SVIL: variants seen among roughly 807,000 people sequenced by gnomAD.
The protein encoded by SVIL is supervillin, also known as archvillin.
In SVIL, 101 loss-of-function variants were observed where a neutral mutation model predicts 240.4. The ratio of observed to expected loss-of-function variants is 0.42; its 90% CI spans 0.36 to 0.50. SVIL has a LOEUF of 0.50. Among genes scored for constraint, SVIL ranks in the 20% least tolerant of loss-of-function variants. The pLI, the probability that SVIL is intolerant of heterozygous loss-of-function variation, is 0.01. For synonymous variants in SVIL, 999 were observed against 1,100.0 expected (o/e 0.91, Z 1.82); for missense variants, 2,512 against 2,818.7 (o/e 0.89, Z 2.46).
At chr10:29,728,514 T>C (rs1964420498) in intron 1 of SVIL, among the ~76,000 whole-genome samples, 1 of 151,616 alleles carries the variant, frequency 6.6e-6, no homozygotes, top group Admixed American at 6.6e-5. Context: ...CCAAATGAGA[T>C]TGACTCAGAA....
Position 29,649,377 on chromosome 10 carries a change from T to G in SVIL, c.-201+8592A>C, listed in dbSNP as rs141894208. Among the ~76,000 whole-genome samples the G allele has an allele frequency of 9.8e-5, 15 of 152,310 alleles. No individual in the cohort carries two copies. In the East Asian group the frequency reaches 2.7e-3, roughly 27 times the overall value. On this transcript the variant is annotated intron_variant, in intron 3 of 35. Transcript: ENST00000375400. Reference sequence around the variant, plus strand: ...TTCTTTCTTCTGAACCCCCACGGCATGCCTCTTTCATATACAATAAAACAC... The same window carrying G: ...TTCTTTCTTCTGAACCCCCACGGCAGGCCTCTTTCATATACAATAAAACAC...
intron 1 of SVIL, chr10:29,575,206 G>C (rs1441379930): frequency 2.6e-5 from 4 of 153,588 alleles, no homozygotes; most frequent in Non-Finnish European, 5.9e-5. Context: ...TGGCACTGAA[G>C]ATGTGGTGTC....
chr10:29,718,199 C>T (rs957821597), intron 1 of SVIL, among the ~76,000 whole-genome samples: 8 of 151,730 alleles, frequency 5.3e-5, no homozygotes, highest in Admixed American at 2.0e-4. Context: ...GGTGGCACAT[C>T]GCTGTAGATC....
chr10:29,479,631 T>C (rs1006224410), intron 29 of SVIL, among the ~76,000 whole-genome samples: 2 of 152,184 alleles, frequency 1.3e-5, no homozygotes, highest in Non-Finnish European at 2.9e-5. Flanking sequence ...GAGTAGGTGC[T>C]CAGGAAATGT....
intron 3 of SVIL, among the ~76,000 whole-genome samples, chr10:29,656,468 A>T (rs183213501): frequency 0.028 from 4,270 of 150,916 alleles, 65 homozygotes; most frequent in Non-Finnish European, 0.03. Flanking sequence ...TTTTTTTTTT[A>T]AAAAAAAGAA....
At chr10:29,698,424 C>T (rs1174479590) in intron 1 of SVIL, among the ~76,000 whole-genome samples, 1 of 136,204 alleles carries the variant, frequency 7.3e-6, no homozygotes, top group Non-Finnish European at 1.6e-5. Context: ...CCACGATGTG[C>T]TCTGTATCCA....
chr10:29,520,552 T>C (rs1950494434), intron 16 of SVIL, among the ~76,000 whole-genome samples: 1 of 152,182 alleles, frequency 6.6e-6, no homozygotes, highest in African/African-American at 2.4e-5. Flanking sequence ...GTGATTAATT[T>C]GTCAGTTGAA....
At chr10:29,475,715 A>G (rs10826630) in intron 29 of SVIL, among the ~76,000 whole-genome samples, 42,338 of 151,988 alleles carry the variant, frequency 0.28, 6,347 homozygotes, top group East Asian at 0.54. Context: ...CCAAAGGCCC[A>G]GGTGTCCCAG....
At chr10:29,555,024 T>G in intron 4 of SVIL, 27 bp downstream of exon 4, 1 of 1,613,072 alleles carries the variant, frequency 6.2e-7, no homozygotes, top group Non-Finnish European at 8.5e-7. Context: ...CTCTTCTACT[T>G]CCTAACTCCC....
chr10:29,473,958 C>G lies in SVIL; in HGVS notation c.5409G>C (p.Val1803=). 3 of 1,613,962 alleles carry G rather than the reference C, an allele frequency of 1.9e-6. No homozygotes were observed. The highest frequency in any genetic ancestry group is 2.5e-6 in the Non-Finnish European group (3 of 1,180,016). Residue 1803 remains valine (V), a synonymous_variant, in exon 30 of 38, where the codon GTG becomes GTC. Coordinates refer to ENST00000355867, the MANE Select transcript of SVIL (RefSeq NM_021738.3). ...VGSRQKGEHS[V]RAAGKEKCVY... ...CGCACTTCTCTTTGCCGGCTGCCCT[C>G]ACCGAGTGCTCTCCCTTCTGGCGAC...
intron 34 of SVIL, 140 bp from the exon 35 acceptor site, chr10:29,463,775 G>A: frequency 1.7e-6 from 2 of 1,176,532 alleles, no homozygotes; most frequent in Non-Finnish European, 2.3e-6. Context: ...TCAAACCAGG[G>A]GCAAAGGGGC....
intron 17 of SVIL, among the ~76,000 whole-genome samples, chr10:29,506,146 C>T (rs996007030): frequency 1.8e-4 from 28 of 151,946 alleles, no homozygotes; most frequent in African/African-American, 6.5e-4. Flanking sequence ...TCCTTGGATG[C>T]GGAACTGGAA....
At chr10:29,544,996 T>G (rs182232879) in intron 6 of SVIL, 1 of 534,480 alleles carries the variant, frequency 1.9e-6, no homozygotes, top group Admixed American at 1.9e-5. Context: ...GCCCCCAAGA[T>G]GTATGTTTCT....
intron 1 of SVIL, among the ~76,000 whole-genome samples, chr10:29,720,793 T>C (rs1352419897): frequency 6.6e-6 from 1 of 152,224 alleles, no homozygotes; most frequent in Admixed American, 6.5e-5. Context: ...TGTGAAGTGA[T>C]ATAATATCAC....
At chr10:29,507,822 G>T in intron 17 of SVIL, 26 of 982,784 alleles carry the variant, frequency 2.6e-5, no homozygotes, top group Non-Finnish European at 3.1e-5. Flanking sequence ...TTCCTACAGA[G>T]CAAAGCAAGA....
rs77263092 is a variant in SVIL at position 29,507,666 on chromosome 10, A to G, written c.3516+5069T>C. 424 of 772,248 alleles carry G rather than the reference A, an allele frequency of 5.5e-4. 1 individual carries two copies. Among genetic ancestry groups the G allele is most frequent in the Non-Finnish European group, 5.0e-4 (315 of 635,588 alleles). The allele number at this position is 772,248 out of a possible 1,614,324, so 47.8% of individuals were successfully genotyped here. A position where few individuals can be genotyped will look rare whatever the true frequency, so the allele number is the denominator to read the frequency against. On this transcript the variant is annotated intron_variant, in intron 17 of 37. Coordinates refer to ENST00000355867, the MANE Select transcript of SVIL (RefSeq NM_021738.3). Reference sequence around the variant, plus strand: ...TGCACCAAATAAGTTATTTCCCAAAATTAAAACAGAAGTTCTTTTCCTATT... The same window carrying G: ...TGCACCAAATAAGTTATTTCCCAAAGTTAAAACAGAAGTTCTTTTCCTATT...
At position 29,495,580 on chromosome 10, in the gene SVIL, G is replaced by A. The variant is rs184710416; in HGVS notation, c.3665-399C>T. Among the ~76,000 whole-genome samples, 994 of 152,192 alleles carry A rather than the reference G, an allele frequency of 6.5e-3. 11 individuals are homozygous for A. The highest frequency in any genetic ancestry group is 0.022 in the African/African-American group (928 of 41,490). On this transcript the variant is annotated intron_variant, in intron 18 of 37. Transcript: ENST00000355867. Reference sequence around the variant, plus strand: ...CACACTTGCCAGCAAGTGGCCCCCCGCAGTGGAGCTCTCCTCCAGGCTGAG... The same window carrying A: ...CACACTTGCCAGCAAGTGGCCCCCCACAGTGGAGCTCTCCTCCAGGCTGAG...
At chr10:29,553,705 T>A (rs1238369798) in intron 5 of SVIL, among the ~76,000 whole-genome samples, 1 of 152,220 alleles carries the variant, frequency 6.6e-6, no homozygotes, top group East Asian at 1.9e-4. Flanking sequence ...AGTTGAATAT[T>A]TGATGACAAC....
chr10:29,617,199 A>C (rs1957458169), intron 1 of SVIL, among the ~76,000 whole-genome samples: 1 of 152,156 alleles, frequency 6.6e-6, no homozygotes, highest in African/African-American at 2.4e-5. Flanking sequence ...TAAGCTCCCA[A>C]GTCTGATCTG....
Sources: allele counts gnomAD v4.1 joint callset (sites outside exome capture counted in the v4.1 genomes callset), GRCh38; gene constraint gnomAD v4.1.1; transcripts MANE v1.5; gene names NCBI Gene and HGNC (gene_info 2026-07-23, HGNC 2026-07-21).